The following NXNL1 variants were observed in gnomAD, a reference collection of about 807,000 sequenced individuals.
NXNL1 encodes the protein nucleoredoxin-like protein 1.
Under a neutral mutation model 7.2 loss-of-function variants are expected in NXNL1, and 6 were observed. The observed-to-expected ratio is 0.83, with a 90% CI of 0.46 to 1.64. The LOEUF (loss-of-function observed/expected upper bound fraction) is 1.64, where lower values mean the gene tolerates loss of function less well. Ranked by LOEUF, NXNL1 falls within the 40% of genes most tolerant of loss-of-function variation. The pLI, the probability that NXNL1 is intolerant of heterozygous loss-of-function variation, is 0.01. For synonymous variants in NXNL1, 133 were observed against 127.2 expected, an observed-to-expected ratio of 1.05 and a Z score of -0.31; for missense variants, 308 against 285.1, an observed-to-expected ratio of 1.08 and a Z score of -0.58.
At chr19:17,458,961 G>C (rs1218735984) in intron 1 of NXNL1, among the ~76,000 whole-genome samples, 1 of 151,998 alleles carries the variant, frequency 6.6e-6, no homozygotes, top group Non-Finnish European at 1.5e-5. Context: ...GTGTCTTGCT[G>C]TGTTGCCCAA....
At chr19:17,458,596 ATTT>A (rs34265338) in intron 1 of NXNL1, among the ~76,000 whole-genome samples, 34 of 87,856 alleles carry the variant, frequency 3.9e-4, no homozygotes, top group African/African-American at 1.4e-3. Context: ...GATCTTTTTA[ATTT>A]TTTTTTTTTT....
chr19:17,455,666 C>G lies in NXNL1; in HGVS notation c.620G>C (p.Gly207Ala). ...DPGGGGGEEG[G>A]AGGLF ...AGCGGGTCAGAACAGCCCCCCGGCC[C>G]CGCCCTCCTCCCCACCCCCTCCCCC... Residue 207 changes from glycine to alanine, a missense_variant, in exon 2 of 2, where the codon GGG becomes GCG. Transcript: ENST00000301944. 1 of 760,440 alleles carries G rather than the reference C, an allele frequency of 1.3e-6. No homozygotes were observed. The highest frequency in any genetic ancestry group is 2.2e-6 in the Non-Finnish European group (1 of 452,606). 47.1% of individuals were successfully genotyped at this position (760,440 alleles called of 1,614,324 possible).
rs938892999 is a variant in NXNL1 at position 17,460,795 on chromosome 19, C to T, written c.75G>A (p.Glu25=). 2 of 1,613,832 alleles carry T rather than the reference C, an allele frequency of 1.2e-6. No individual in the cohort carries two copies. Among genetic ancestry groups the T allele is most frequent in the Non-Finnish European group, 1.7e-6 (2 of 1,180,032 alleles). Residue 25 remains glutamate (E), a synonymous_variant, in exon 1 of 2, where the codon GAG becomes GAA. Transcript: ENST00000301944. ...SDQDELDTEA[E]VSRRLENRLV... is the part of the protein sequence containing the mutation. ...GCCGGTTCTCCAGCCTGCGACTGAC[C>T]TCAGCCTCCGTATCCAGCTCGTCCT...
At position 17,460,750 on chromosome 19, in the gene NXNL1, A is replaced by G; in HGVS notation, c.120T>C (p.Gly40=). 1.2e-6 allele frequency: 2 copies of G among 1,613,736 alleles called. No individual in the cohort carries two copies. The highest frequency in any genetic ancestry group is 1.1e-5 in the South Asian group (1 of 91,082). The part of the protein sequence containing the change: ...LENRLVLLFF[G]AGACPQCQAF... ...CCTGGCACTGTGGACAAGCCCCAGC[A>G]CCAAAGAACAGCAGCACCAGCCGGT... The change falls in exon 1 of 2, where the codon GGT becomes GGC. Residue 40 remains glycine (G), a synonymous_variant. Coordinates refer to ENST00000301944, the MANE Select transcript of NXNL1 (RefSeq NM_138454.2).
At chr19:17,457,398 G>A (rs1184804692) in intron 1 of NXNL1, among the ~76,000 whole-genome samples, 2 of 151,614 alleles carry the variant, frequency 1.3e-5, no homozygotes, top group African/African-American at 4.8e-5. Flanking sequence ...TAGAGACAGA[G>A]CCTCCATCTG....
chr19:17,456,635 A>G (rs1363364312), intron 1 of NXNL1, among the ~76,000 whole-genome samples: 2 of 152,056 alleles, frequency 1.3e-5, no homozygotes, highest in African/African-American at 2.4e-5. Flanking sequence ...TAATCTCAGC[A>G]CTTTGGGAGG....
At chr19:17,457,474 T>A (rs905770369) in intron 1 of NXNL1, among the ~76,000 whole-genome samples, 3 of 152,018 alleles carry the variant, frequency 2.0e-5, no homozygotes, top group Non-Finnish European at 2.9e-5. Flanking sequence ...TGGGCTCCAG[T>A]GATCCTATAG....
chr19:17,457,052 A>G (rs902043518), intron 1 of NXNL1, among the ~76,000 whole-genome samples: 1 of 147,614 alleles, frequency 6.8e-6, no homozygotes, highest in Non-Finnish European at 1.5e-5. Flanking sequence ...CTCAACAACA[A>G]CAACAACAAC....
chr19:17,460,794 C>A lies in NXNL1; in HGVS notation c.76G>T (p.Val26Phe), dbSNP rs758744180. The stretch of plus-strand genomic sequence containing the variant: ...AGCCGGTTCTCCAGCCTGCGACTGA[C>A]CTCAGCCTCCGTATCCAGCTCGTCC... ...DQDELDTEAE[V>F]SRRLENRLVL... Residue 26 changes from valine (V) to phenylalanine (F), a missense_variant, in exon 1 of 2, where the codon GTC becomes TTC. By Grantham distance (50) the Val-to-Phe change is conservative. Coordinates refer to ENST00000301944, the MANE Select transcript of NXNL1 (RefSeq NM_138454.2). The A allele has an allele frequency of 6.2e-7, 1 of 1,613,742 alleles. No homozygotes were observed. Among genetic ancestry groups the A allele is most frequent in the Non-Finnish European group, 8.5e-7 (1 of 1,180,040 alleles).
rs1039959931 is a variant in NXNL1 at position 17,456,075 on chromosome 19, C to G, written c.327-116G>C. On this transcript the variant is annotated intron_variant, in intron 1 of 1. Coordinates refer to ENST00000301944, the MANE Select transcript of NXNL1 (RefSeq NM_138454.2). ...GCCTTCTGTGTGCACTGCCTCTTGCCGGGCACTGGGTAGGTGCACACGAGG... is the reference window on the plus strand; with the variant it reads ...GCCTTCTGTGTGCACTGCCTCTTGCGGGGCACTGGGTAGGTGCACACGAGG... 2.7e-5 allele frequency: 41 copies of G among 1,503,676 alleles called. No homozygotes were observed. In the East Asian group the frequency reaches 8.6e-4, roughly 32 times the overall value. 93.1% of individuals were successfully genotyped at this position (1,503,676 alleles called of 1,614,324 possible). A position where few individuals can be genotyped will look rare whatever the true frequency, so the allele number is the denominator to read the frequency against.
In NXNL1 at chr19:17,455,956, G is replaced by T. The variant is rs371085748; in HGVS notation, c.330C>A (p.Asp110Glu). 2 of 1,597,554 alleles carry T rather than the reference G, an allele frequency of 1.3e-6. No homozygotes were observed. Among genetic ancestry groups the T allele is most frequent in the Non-Finnish European group, 1.7e-6 (2 of 1,179,526 alleles). ...FLPFEDDLRR[D>E]LGRQFSVERL... ...GCTCCACTGAGAACTGGCGCCCGAG[G>T]TCCCTGCGGAGCGGGCAGGTCAGTC... The change falls in exon 2 of 2, where the codon GAC becomes GAA. Residue 110 changes from aspartate to glutamate, a missense_variant. Coordinates refer to ENST00000301944, the MANE Select transcript of NXNL1 (RefSeq NM_138454.2).
intron 1 of NXNL1, among the ~76,000 whole-genome samples, chr19:17,460,033 CAG>C (rs774434683): frequency 6.6e-6 from 1 of 151,804 alleles, no homozygotes; most frequent in Admixed American, 6.6e-5. Flanking sequence ...ATTTTTTAGA[CAG>C]AGTCTCCCTC....
rs761318219 is a variant in NXNL1, at chr19:17,455,788, T to C, written c.498A>G (p.Pro166=). The change falls in exon 2 of 2, where the codon CCA becomes CCG. Residue 166 remains proline, a synonymous_variant. Transcript: ENST00000301944. ...AEVLDRNFQL[P]EDLEDQEPRS... is the part of the protein sequence containing the mutation. ...GTGGCTCCTGGTCCTCCAGGTCCTCTGGCAGCTGGAAGTTGCGGTCCAGCA... is the reference window on the plus strand; with the variant it reads ...GTGGCTCCTGGTCCTCCAGGTCCTCCGGCAGCTGGAAGTTGCGGTCCAGCA... The C allele has an allele frequency of 6.4e-7, 1 of 1,558,242 alleles. No individual in the cohort carries two copies. The highest frequency in any genetic ancestry group is 1.9e-5 in the Admixed American group (1 of 53,106).
intron 1 of NXNL1, among the ~76,000 whole-genome samples, chr19:17,458,811 A>G (rs1208279768): frequency 6.6e-6 from 1 of 151,780 alleles, no homozygotes; most frequent in Non-Finnish European, 1.5e-5. Flanking sequence ...CATGTTGGCC[A>G]GGTTGGTCTT....
At chr19:17,457,318 A>G (rs1051040645) in intron 1 of NXNL1, among the ~76,000 whole-genome samples, 1 of 152,136 alleles carries the variant, frequency 6.6e-6, no homozygotes, top group African/African-American at 2.4e-5. Context: ...AGCCAAATGC[A>G]TGGGACATAC....
At position 17,460,688 on chromosome 19, in the gene NXNL1, A is replaced by C. The variant is rs2075009513; in HGVS notation, c.182T>G (p.Leu61Arg). The change falls in exon 1 of 2, where the codon CTC (leucine) becomes CGC (arginine). Residue 61 changes from leucine to arginine, a missense_variant. Leu to Arg is a moderately radical substitution (Grantham distance 102). Coordinates refer to ENST00000301944, the MANE Select transcript of NXNL1 (RefSeq NM_138454.2). The stretch of plus-strand genomic sequence containing the variant: ...CCGCAGTACATAGAACTCATCTGTG[A>C]GCCGCACGAAGAAGTCCTTGAGGAT... ...VPILKDFFVRLTDEFYVLRAA... is the reference protein window; with the variant it reads ...VPILKDFFVRRTDEFYVLRAA... 6.2e-7 allele frequency: 1 copy of C among 1,613,686 alleles called. No homozygotes were observed. The highest frequency in any genetic ancestry group is 1.7e-5 in the Admixed American group (1 of 59,990).
rs755904948 is a variant in NXNL1, at chr19:17,455,834, T to C, written c.452A>G (p.Asn151Ser). The C allele has an allele frequency of 2.5e-6, 4 of 1,585,872 alleles. No homozygotes were observed. In the African/African-American group the frequency reaches 4.0e-5, roughly 16 times the overall value. Residue 151 changes from asparagine (N) to serine (S), a missense_variant, in exon 2 of 2, where the codon AAC becomes AGC. Transcript: ENST00000301944. ...CAGCACCTCGGCCGCCTCCTGCCAGTTGGCGAAGCAGGCGGTGCCCAGGCG... is the reference window on the plus strand; with the variant it reads ...CAGCACCTCGGCCGCCTCCTGCCAGCTGGCGAAGCAGGCGGTGCCCAGGCG... Reference protein sequence around the residue: ...IQRLGTACFANWQEAAEVLDR... With the variant: ...IQRLGTACFASWQEAAEVLDR...
At chr19:17,459,282 G>A (rs944768592) in intron 1 of NXNL1, among the ~76,000 whole-genome samples, 1 of 152,320 alleles carries the variant, frequency 6.6e-6, no homozygotes, top group African/African-American at 2.4e-5. Context: ...TGAACTGGTT[G>A]TTCTTTCTCT....
Position 17,455,937 on chromosome 19 carries a change from C to T in NXNL1, c.349G>A (p.Val117Met). 6.3e-7 allele frequency: 1 copy of T among 1,597,336 alleles called. No homozygotes were observed. Among genetic ancestry groups the T allele is most frequent in the Non-Finnish European group, 8.5e-7 (1 of 1,179,310 alleles). Residue 117 changes from valine (V) to methionine (M), a missense_variant, in exon 2 of 2, where the codon GTG becomes ATG. Physicochemically the swap from Val to Met is conservative, Grantham distance 21. Transcript: ENST00000301944. ...ACCACGACCGCCGGCAGGCGCTCCA[C>T]TGAGAACTGGCGCCCGAGGTCCCTG... is the stretch of plus-strand genomic sequence containing the variant. ...LRRDLGRQFS[V>M]ERLPAVVVLK...
Sources: gnomAD v4.1 joint callset for allele counts (sites outside exome capture counted in the v4.1 genomes callset) on GRCh38, gnomAD v4.1.1 for gene constraint, MANE v1.5 for transcripts, NCBI Gene and HGNC (gene_info 2026-07-23, HGNC 2026-07-21) for gene names.